Variants in EXOC4 observed in about 807,000 individuals in gnomAD.
The protein encoded by EXOC4 is SEC8-like 1.
Under a neutral mutation model 107.2 loss-of-function variants are expected in EXOC4, and 71 were observed. The ratio of observed to expected loss-of-function variants is 0.66; its 90% CI spans 0.55 to 0.81. The LOEUF (loss-of-function observed/expected upper bound fraction) is 0.81, where lower values mean the gene tolerates loss of function less well. EXOC4 is among the 30% of genes least tolerant of loss of function. The pLI is 0.00. For synonymous variants in EXOC4, 456 were observed against 441.2 expected (o/e 1.03, Z -0.42); for missense variants, 1,108 against 1,189.6 (o/e 0.93, Z 1.01).
At chr7:133,749,185 A>T (rs10266390) in intron 10 of EXOC4, among the ~76,000 whole-genome samples, 150,164 of 152,266 alleles carry the variant, frequency 0.99, 74,095 homozygotes, top group Middle Eastern at 1. Flanking sequence ...CAGGAGATTT[A>T]GGTGCCCTGC....
chr7:133,944,583 T>G (rs1384306629), intron 14 of EXOC4, among the ~76,000 whole-genome samples: 1 of 152,162 alleles, frequency 6.6e-6, no homozygotes, highest in Non-Finnish European at 1.5e-5. Context: ...CCTTCCAAAT[T>G]TTGGATTGAC....
intron 9 of EXOC4, among the ~76,000 whole-genome samples, chr7:133,599,363 C>T (rs1001022283): frequency 6.6e-6 from 1 of 152,160 alleles, no homozygotes; most frequent in Non-Finnish European, 1.5e-5. Context: ...ATCTTTTTGT[C>T]ATAATGTCCT....
chr7:133,862,303 A>G (rs2116346354), intron 11 of EXOC4, among the ~76,000 whole-genome samples: 1 of 152,142 alleles, frequency 6.6e-6, no homozygotes, highest in South Asian at 2.1e-4. Flanking sequence ...CCTGGCCAAC[A>G]TGGTGAAATC....
intron 10 of EXOC4, among the ~76,000 whole-genome samples, chr7:133,636,506 T>G (rs1374520069): frequency 6.6e-6 from 1 of 152,186 alleles, no homozygotes; most frequent in African/African-American, 2.4e-5. Context: ...ATTTGGCTCT[T>G]TAGGGTAATG....
chr7:133,830,778 T>G (rs1797792569), intron 11 of EXOC4, among the ~76,000 whole-genome samples: 1 of 152,216 alleles, frequency 6.6e-6, no homozygotes, highest in Admixed American at 6.5e-5. Flanking sequence ...CACATTATTA[T>G]TAACTAAAAC....
At position 134,064,693 on chromosome 7, in the gene EXOC4, C is replaced by A. The variant is rs1585366233; in HGVS notation, c.*165C>A. The A allele has an allele frequency of 6.1e-6, 3 of 487,872 alleles. No homozygotes were observed. Among genetic ancestry groups the A allele is most frequent in the East Asian group, 3.4e-5 (1 of 29,786 alleles). The allele number at this position is 487,872 out of a possible 1,614,324, so 30.2% of individuals were successfully genotyped here. A position where few individuals can be genotyped will look rare whatever the true frequency, so the allele number is the denominator to read the frequency against. On this transcript the variant is annotated 3_prime_UTR_variant, in exon 18 of 18. Coordinates refer to ENST00000253861, the MANE Select transcript of EXOC4 (RefSeq NM_021807.4). The stretch of plus-strand genomic sequence containing the variant: ...CTGGTTTTGGCTTTTCATATAAATG[C>A]TAAAGGAAGGCGACAGTACAGAGTG...
intron 5 of EXOC4, among the ~76,000 whole-genome samples, chr7:133,342,138 G>C (rs1313417573): frequency 6.6e-6 from 1 of 151,722 alleles, no homozygotes; most frequent in Admixed American, 6.6e-5. Context: ...TAGGCCCTGT[G>C]AAATTTATGA....
intron 11 of EXOC4, among the ~76,000 whole-genome samples, chr7:133,828,723 A>G (rs1235665232): frequency 6.6e-6 from 1 of 152,236 alleles, no homozygotes; most frequent in African/African-American, 2.4e-5. Flanking sequence ...CAAGAGTGAC[A>G]TGACACAGTG....
intron 9 of EXOC4, among the ~76,000 whole-genome samples, chr7:133,560,345 C>T (rs1489608424): frequency 1.3e-5 from 2 of 151,996 alleles, no homozygotes; most frequent in Non-Finnish European, 2.9e-5. Context: ...AGTGCAGTGG[C>T]GCAACCTTGG....
At chr7:133,313,033 A>G (rs959846401) in intron 4 of EXOC4, among the ~76,000 whole-genome samples, 3 of 152,040 alleles carry the variant, frequency 2.0e-5, no homozygotes, top group African/African-American at 7.2e-5. Flanking sequence ...GTCTCTGGGC[A>G]TGTAAAGAAT....
chr7:133,984,923 G>A (rs1794079090), intron 14 of EXOC4, among the ~76,000 whole-genome samples: 1 of 152,200 alleles, frequency 6.6e-6, no homozygotes. Flanking sequence ...CCTCTGGGAA[G>A]CAGCAGGAGA....
intron 10 of EXOC4, among the ~76,000 whole-genome samples, chr7:133,718,860 T>G (rs1795049567): frequency 1.3e-5 from 2 of 152,138 alleles, no homozygotes. Context: ...TGGACCCACT[T>G]TCCCAGTCTT....
intron 7 of EXOC4, among the ~76,000 whole-genome samples, chr7:133,439,604 G>A (rs1798060908): frequency 6.6e-6 from 1 of 152,174 alleles, no homozygotes; most frequent in Non-Finnish European, 1.5e-5. Context: ...TTATGTGTGA[G>A]TGTGTTTGTA....
At chr7:133,909,885 A>G (rs1404497777) in intron 12 of EXOC4, among the ~76,000 whole-genome samples, 1 of 150,408 alleles carries the variant, frequency 6.6e-6, no homozygotes, top group Non-Finnish European at 1.5e-5. Context: ...TTGCTTTATT[A>G]TAAGAAAAAT....
At chr7:134,099,519 CTTCTTTTTTT>C in the EXOC4 span, among the ~76,000 whole-genome samples, 7 of 133,718 alleles carry the variant, frequency 5.2e-5, 1 homozygote, top group Admixed American at 1.5e-4. Flanking sequence ...TCCCATCACA[CTTCTTTTTTT>C]TTTTTTTTTT....
chr7:133,652,474 C>G (rs1376638235), intron 10 of EXOC4, among the ~76,000 whole-genome samples: 1 of 151,462 alleles, frequency 6.6e-6, no homozygotes, highest in Non-Finnish European at 1.5e-5. Context: ...AACCTCAGTT[C>G]CATAAAAGCC....
At chr7:133,582,254 G>A (rs537500426) in intron 9 of EXOC4, among the ~76,000 whole-genome samples, 1 of 152,132 alleles carries the variant, frequency 6.6e-6, no homozygotes, top group African/African-American at 2.4e-5. Context: ...TCCTGTGTTA[G>A]TTCCACCTAG....
chr7:133,481,066 A>AAC (rs1799145332), intron 9 of EXOC4: 1 of 151,564 alleles, frequency 6.6e-6, no homozygotes, highest in Non-Finnish European at 1.5e-5. Context: ...AGAAAAAAAA[A>AAC]AAAACAACAA....
chr7:133,257,067 G>T (rs964785610), intron 1 of EXOC4, among the ~76,000 whole-genome samples: 1 of 152,220 alleles, frequency 6.6e-6, no homozygotes, highest in African/African-American at 2.4e-5. Flanking sequence ...AGGGCAGTCA[G>T]ATGTTTCAAA....
Sources: allele counts gnomAD v4.1 joint callset (sites outside exome capture counted in the v4.1 genomes callset), GRCh38; gene constraint gnomAD v4.1.1; transcripts MANE v1.5; gene names NCBI Gene and HGNC (gene_info 2026-07-23, HGNC 2026-07-21).